Variants in RBFOX3 observed in about 807,000 individuals in gnomAD.
RBFOX3 encodes the protein RNA binding fox-1 homolog 3, also known as RNA binding protein fox-1 homolog 3.
RBFOX3 carries 17 observed loss-of-function variants against 48.7 expected under a neutral mutation model. The observed-to-expected ratio is 0.35, with a 90% CI of 0.24 to 0.52. The LOEUF (loss-of-function observed/expected upper bound fraction) is 0.52. RBFOX3 is among the 20% of genes least tolerant of loss of function. RBFOX3 has a pLI of 0.94. For synonymous variants in RBFOX3, 212 were observed against 209.5 expected, an observed-to-expected ratio of 1.01 and a Z score of -0.10; for missense variants, 382 against 497.5, an observed-to-expected ratio of 0.77 and a Z score of 2.21.
intron 2 of RBFOX3, among the ~76,000 whole-genome samples, chr17:79,314,776 G>A (rs1470265311): frequency 6.6e-6 from 1 of 152,174 alleles, no homozygotes; most frequent in African/African-American, 2.4e-5. Flanking sequence ...TTACATGTGT[G>A]TATAAATGTT....
intron 3 of RBFOX3, among the ~76,000 whole-genome samples, chr17:79,239,527 A>G (rs2062063761): frequency 6.6e-6 from 1 of 152,130 alleles, no homozygotes; most frequent in South Asian, 2.1e-4. Flanking sequence ...CCAGGCTCAA[A>G]TTGTCTCCAC....
intron 2 of RBFOX3, among the ~76,000 whole-genome samples, chr17:79,384,601 C>T (rs1389782159): frequency 6.6e-6 from 1 of 152,158 alleles, no homozygotes; most frequent in Non-Finnish European, 1.5e-5. Context: ...TGCCAGCACC[C>T]TCCTCAGGCC....
At chr17:79,333,113 G>A (rs567936595) in intron 2 of RBFOX3, among the ~76,000 whole-genome samples, 2 of 149,582 alleles carry the variant, frequency 1.3e-5, no homozygotes, top group East Asian at 1.9e-4. Context: ...GAGAGAGAGA[G>A]AAACAGGCAG....
intron 1 of RBFOX3, among the ~76,000 whole-genome samples, chr17:79,595,516 C>T (rs1217801131): frequency 1.3e-5 from 2 of 152,210 alleles, no homozygotes; most frequent in African/African-American, 2.4e-5. Flanking sequence ...CTTTCCACAT[C>T]CATGGAAAGC....
chr17:79,172,974 C>T (rs1248895112), intron 4 of RBFOX3, among the ~76,000 whole-genome samples: 2 of 152,108 alleles, frequency 1.3e-5, no homozygotes, highest in Non-Finnish European at 2.9e-5. Context: ...TTTGGGAGGC[C>T]GAGGTGGGTG....
At chr17:79,556,295 C>G (rs930943070) in intron 1 of RBFOX3, among the ~76,000 whole-genome samples, 3 of 152,078 alleles carry the variant, frequency 2.0e-5, no homozygotes, top group African/African-American at 7.2e-5. Context: ...TCCTGGGAAC[C>G]CAAAGAAATG....
At chr17:79,567,563 G>A (rs1349548742) in intron 1 of RBFOX3, among the ~76,000 whole-genome samples, 2 of 147,526 alleles carry the variant, frequency 1.4e-5, no homozygotes, top group Non-Finnish European at 2.9e-5. Context: ...ATAAATGACA[G>A]GTTTCCCTGA....
intron 2 of RBFOX3, among the ~76,000 whole-genome samples, chr17:79,315,282 G>A (rs1381889116): frequency 2.6e-5 from 4 of 152,192 alleles, no homozygotes; most frequent in African/African-American, 7.2e-5. Context: ...GACCATCCAT[G>A]TCTCCAGGAG....
At chr17:79,611,187 C>CTCTCTCTCTCTCTCTCTCCGCCCTCCT, upstream of RBFOX3, among the ~76,000 whole-genome samples, 2 of 104,850 alleles carry the variant, frequency 1.9e-5, no homozygotes, top group Admixed American at 2.2e-4. Context: ...CCCTCCTTCT[C>CTCTCTCTCTCTCTCTCTCCGCCCTCCT]TCTCTCTCTC....
At chr17:79,161,950 A>G (rs1386378206) in intron 4 of RBFOX3, among the ~76,000 whole-genome samples, 1 of 152,194 alleles carries the variant, frequency 6.6e-6, no homozygotes, top group Non-Finnish European at 1.5e-5. Context: ...CAACAGTCGA[A>G]GGAGGCTATG....
the RBFOX3 span, among the ~76,000 whole-genome samples, chr17:79,625,384 T>C: frequency 6.6e-6 from 1 of 152,230 alleles, no homozygotes; most frequent in African/African-American, 2.4e-5. Context: ...ATCGCATGGA[T>C]GTGCTACAAT....
intron 4 of RBFOX3, among the ~76,000 whole-genome samples, chr17:79,141,106 A>C (rs569488746): frequency 6.6e-5 from 10 of 152,298 alleles, no homozygotes; most frequent in African/African-American, 2.4e-4. Context: ...GTAAACGGGG[A>C]TGCACCGTGG....
chr17:79,109,927 A>C (rs890621807), intron 5 of RBFOX3, among the ~76,000 whole-genome samples: 1 of 152,104 alleles, frequency 6.6e-6, no homozygotes, highest in Non-Finnish European at 1.5e-5. Flanking sequence ...GGTGAGGAAG[A>C]AGCCATTCTA....
intron 4 of RBFOX3, among the ~76,000 whole-genome samples, chr17:79,130,242 C>T (rs1176524271): frequency 2.0e-5 from 3 of 152,144 alleles, no homozygotes; most frequent in South Asian, 2.1e-4. Context: ...GCTCTCAGGT[C>T]CCCTTCCCCC....
chr17:79,474,154 A>G lies in RBFOX3; in HGVS notation c.-175+8300T>C, dbSNP rs200926731. 4.1e-4 allele frequency among the ~76,000 whole-genome samples: 63 copies of G among 152,090 alleles called. No individual in the cohort carries two copies. The East Asian group carries it at 8.7e-3, about 21-fold the overall frequency. On this transcript the variant is annotated intron_variant, in intron 2 of 14. Coordinates refer to ENST00000693108, the MANE Select transcript of RBFOX3 (RefSeq NM_001350451.2). ...AAAAATGAAGAAATTCCGGAATCACATCGAGGGGCCTCAGCCCCAGGTCCC... is the reference window on the plus strand; with the variant it reads ...AAAAATGAAGAAATTCCGGAATCACGTCGAGGGGCCTCAGCCCCAGGTCCC...
chr17:79,615,455 C>T (rs1186759691), upstream of RBFOX3, among the ~76,000 whole-genome samples: 2 of 151,968 alleles, frequency 1.3e-5, no homozygotes, highest in African/African-American at 2.4e-5. Context: ...AGCTGTGTAC[C>T]GGGCAAGAGG....
intron 9 of RBFOX3, 127 bp downstream of exon 9, chr17:79,101,457 G>T: frequency 1.2e-6 from 1 of 843,616 alleles, no homozygotes; most frequent in Non-Finnish European, 1.9e-6. Flanking sequence ...CAGCCCCAGG[G>T]CTGGGACACT....
chr17:79,549,926 G>A (rs1324575649), intron 1 of RBFOX3, among the ~76,000 whole-genome samples: 2 of 152,158 alleles, frequency 1.3e-5, no homozygotes, highest in Non-Finnish European at 2.9e-5. Context: ...CATGTTCTGG[G>A]AAGACCACAC....
At chr17:79,614,955 A>G (rs1246831059), upstream of RBFOX3, among the ~76,000 whole-genome samples, 2 of 152,214 alleles carry the variant, frequency 1.3e-5, no homozygotes, top group South Asian at 2.1e-4. Context: ...AAAGGAAATC[A>G]TCAATTACTT....
Sources: allele counts gnomAD v4.1 joint callset (sites outside exome capture counted in the v4.1 genomes callset), GRCh38; gene constraint gnomAD v4.1.1; transcripts MANE v1.5; gene names NCBI Gene and HGNC (gene_info 2026-07-23, HGNC 2026-07-21).